The following PIWIL4 variants were observed in gnomAD, a reference collection of about 807,000 sequenced individuals.
The protein encoded by PIWIL4 is piwi like RNA-mediated gene silencing 4.
In PIWIL4, 50 loss-of-function variants were observed where a neutral mutation model predicts 100.9. That is an observed-to-expected ratio of 0.50 (90% CI 0.39 to 0.63). The LOEUF (loss-of-function observed/expected upper bound fraction) is 0.63, where lower values mean the gene tolerates loss of function less well. Among genes scored for constraint, PIWIL4 ranks in the 20% least tolerant of loss-of-function variants. The pLI is 0.00. For synonymous variants in PIWIL4, 342 were observed against 367.5 expected (o/e 0.93, Z 0.79); for missense variants, 887 against 1,043.3 (o/e 0.85, Z 2.06).
chr11:94,602,798 A>T (rs1948661324), intron 12 of PIWIL4, among the ~76,000 whole-genome samples: 1 of 152,238 alleles, frequency 6.6e-6, no homozygotes, highest in South Asian at 2.1e-4. Context: ...GTCTCATTTA[A>T]CACCATTGTT....
At chr11:94,602,312 T>G (rs1948653619) in intron 12 of PIWIL4, among the ~76,000 whole-genome samples, 1 of 152,242 alleles carries the variant, frequency 6.6e-6, no homozygotes, top group Non-Finnish European at 1.5e-5. Flanking sequence ...CAGTTTTTCA[T>G]ATCAGTTATT....
chr11:94,597,984 CAGAGTGGCTTGTG>C, intron 11 of PIWIL4, 69 bp downstream of exon 11: 1 of 1,209,088 alleles, frequency 8.3e-7, no homozygotes, highest in Non-Finnish European at 1.2e-6. Context: ...GTGCATTGGC[CAGAGTGGCTTGTG>C]TGCTTATAAT....
Position 94,616,531 on chromosome 11 carries a change from A to G in PIWIL4, c.1982A>G (p.Asp661Gly). The part of the protein sequence containing the change: ...SRCILQRTMT[D>G]VADCLKVFMT... The stretch of plus-strand genomic sequence containing the variant: ...TGTATCCTTCAGAGAACAATGACTG[A>G]TGTTGCAGATTGCTTGAAAGTTTTC... The change falls in exon 16 of 20, where the codon GAT (aspartate) becomes GGT (glycine). Residue 661 changes from aspartate (D) to glycine (G), a missense_variant. Physicochemically the swap from Asp to Gly is moderately conservative, Grantham distance 94 (BLOSUM62 -1). Coordinates refer to ENST00000299001, the MANE Select transcript of PIWIL4 (RefSeq NM_152431.3). 1.2e-6 allele frequency: 2 copies of G among 1,608,062 alleles called. No homozygotes were observed. The highest frequency in any genetic ancestry group is 2.2e-5 in the East Asian group (1 of 44,774).
At position 94,567,599 on chromosome 11, in the gene PIWIL4, G is replaced by A. The variant is rs569857568; in HGVS notation, c.81G>A (p.Ser27=). 7 of 1,602,840 alleles carry A rather than the reference G, an allele frequency of 4.4e-6. No individual in the cohort carries two copies. In the Admixed American group the frequency reaches 1.0e-4, roughly 23 times the overall value. The part of the protein sequence containing the change: ...SATEVGRIQA[S]PLPRSVDLSN... ...CAGAAGTGGGGCGCATCCAAGCCTC[G>A]CCATTGGTGTGTAGAATGCTTATTG... Residue 27 remains serine (S), a synonymous_variant, in exon 1 of 20, where the codon TCG becomes TCA. Coordinates refer to ENST00000299001, the MANE Select transcript of PIWIL4 (RefSeq NM_152431.3).
rs376773875 is a variant in PIWIL4 at position 94,604,090 on chromosome 11, C to G, written c.1638+34C>G. 920 of 1,412,128 alleles carry G rather than the reference C, an allele frequency of 6.5e-4. 2 individuals carry two copies. Among genetic ancestry groups the G allele is most frequent in the Non-Finnish European group, 8.6e-4 (882 of 1,022,842 alleles). 87.5% of individuals were successfully genotyped at this position (1,412,128 alleles called of 1,614,324 possible). ...AGGATACTTTTTGAACTCCTTTAAT[C>G]TATAATTTTAGTTCTGCTTTATATC... On this transcript the variant is annotated intron_variant, in intron 13 of 19. Transcript: ENST00000299001.
chr11:94,595,998 C>T (rs188247071), intron 10 of PIWIL4, among the ~76,000 whole-genome samples: 199 of 152,272 alleles, frequency 1.3e-3, no homozygotes, highest in African/African-American at 4.5e-3. Flanking sequence ...CTTTCTGACC[C>T]TCTAAAACTG....
chr11:94,617,612 T>C (rs886925423), intron 16 of PIWIL4, among the ~76,000 whole-genome samples: 30 of 152,206 alleles, frequency 2.0e-4, no homozygotes, highest in African/African-American at 6.5e-4. Context: ...TTAGAGGATT[T>C]AAAGACTTGA....
intron 3 of PIWIL4, 124 bp downstream of exon 3, chr11:94,575,254 T>C (rs1415579287): frequency 3.0e-6 from 3 of 1,014,590 alleles, no homozygotes; most frequent in East Asian, 5.0e-5. Context: ...GATTGTCTTC[T>C]ATGTTCAAGG....
chr11:94,595,339 A>C lies in PIWIL4; in HGVS notation c.1181A>C (p.Gln394Pro), dbSNP rs1016902257. 2.0e-5 allele frequency: 32 copies of C among 1,613,876 alleles called. No individual in the cohort carries two copies. Among genetic ancestry groups the C allele is most frequent in the African/African-American group, 2.7e-5 (2 of 74,936 alleles). The change falls in exon 10 of 20, where the codon CAG (glutamine) becomes CCG (proline). Residue 394 changes from glutamine to proline, a missense_variant. Gln to Pro is a moderately conservative substitution (Grantham distance 76). Coordinates refer to ENST00000299001, the MANE Select transcript of PIWIL4 (RefSeq NM_152431.3). ...ACTGACCAGGCAACATCTGATTTCC[A>C]GCTGATGAAGGCTGTGGCTGAAAAG... Reference protein sequence around the residue: ...GLTDQATSDFQLMKAVAEKTR... With the variant: ...GLTDQATSDFPLMKAVAEKTR...
intron 2 of PIWIL4, among the ~76,000 whole-genome samples, chr11:94,571,191 T>C (rs1948147339): frequency 6.6e-6 from 1 of 152,194 alleles, no homozygotes; most frequent in Non-Finnish European, 1.5e-5. Flanking sequence ...CCCTCCATTA[T>C]TTTCAAACAT....
At chr11:94,608,096 G>A (rs1459230820) in intron 14 of PIWIL4, 2 of 178,252 alleles carry the variant, frequency 1.1e-5, no homozygotes, top group Non-Finnish European at 2.4e-5. Context: ...AGAATGAGAA[G>A]TGAGGGAGTG....
In PIWIL4 at chr11:94,570,311, A is replaced by G. The variant is rs183388820; in HGVS notation, c.166+1503A>G. Among the ~76,000 whole-genome samples the G allele has an allele frequency of 1.9e-3, 291 of 152,164 alleles. 3 individuals carry two copies. The highest frequency in any genetic ancestry group is 6.6e-3 in the African/African-American group (274 of 41,522). On this transcript the variant is annotated intron_variant, in intron 2 of 19. Transcript: ENST00000299001. ...ATCTGGATGCTTAAAGTCTGAGATA[A>G]GGTGGGGACAGGGCTGGTTTCTTCT...
At chr11:94,615,757 C>T (rs905617636) in intron 15 of PIWIL4, among the ~76,000 whole-genome samples, 2 of 152,172 alleles carry the variant, frequency 1.3e-5, no homozygotes, top group Non-Finnish European at 2.9e-5. Context: ...CCTACCTCAG[C>T]CTCCCAAGTA....
intron 6 of PIWIL4, among the ~76,000 whole-genome samples, chr11:94,586,796 T>G (rs1397335876): frequency 6.6e-6 from 1 of 152,180 alleles, no homozygotes; most frequent in Non-Finnish European, 1.5e-5. Flanking sequence ...CAAAGAATTA[T>G]CCAGTTCAAA....
intron 7 of PIWIL4, 151 bp downstream of exon 7, chr11:94,587,398 G>A (rs1948415850): frequency 2.4e-6 from 2 of 848,200 alleles, no homozygotes; most frequent in Non-Finnish European, 3.6e-6. Flanking sequence ...GCTGTCTGGA[G>A]TTCACATGTC....
At chr11:94,615,259 A>G (rs574777543) in intron 15 of PIWIL4, among the ~76,000 whole-genome samples, 1 of 152,294 alleles carries the variant, frequency 6.6e-6, no homozygotes, top group African/African-American at 2.4e-5. Context: ...TGAATGGGTG[A>G]GGGAGCTGGG....
chr11:94,596,982 G>A (rs1406688325), intron 10 of PIWIL4, among the ~76,000 whole-genome samples: 2 of 152,074 alleles, frequency 1.3e-5, no homozygotes, highest in African/African-American at 2.4e-5. Flanking sequence ...TCCATGTCCC[G>A]CAAATGCCTG....
chr11:94,578,073 A>T (rs1266234524), intron 4 of PIWIL4, among the ~76,000 whole-genome samples: 1 of 152,116 alleles, frequency 6.6e-6, no homozygotes, highest in Non-Finnish European at 1.5e-5. Context: ...GAATGCCTGG[A>T]GCATCTCAAG....
intron 12 of PIWIL4, among the ~76,000 whole-genome samples, chr11:94,603,599 G>A (rs1948675409): frequency 1.3e-5 from 2 of 152,052 alleles, no homozygotes; most frequent in Admixed American, 6.5e-5. Flanking sequence ...GATTCCTATA[G>A]CAATTCACTC....
Sources: allele counts gnomAD v4.1 joint callset (sites outside exome capture counted in the v4.1 genomes callset), GRCh38; gene constraint gnomAD v4.1.1; transcripts MANE v1.5; gene names NCBI Gene and HGNC (gene_info 2026-07-23, HGNC 2026-07-21).